The following RAB40C variants were observed in gnomAD, a reference collection of about 807,000 sequenced individuals.
The protein encoded by RAB40C is ras-related protein Rab-40C.
A neutral mutation model predicts 28.1 loss-of-function variants in RAB40C; 8 were observed. That is an observed-to-expected ratio of 0.28 (90% CI 0.17 to 0.51). The LOEUF (loss-of-function observed/expected upper bound fraction) is 0.51, where lower values mean the gene tolerates loss of function less well. RAB40C is among the 20% of genes least tolerant of loss of function. The pLI is 0.97. For synonymous variants in RAB40C, 201 were observed against 171.7 expected, an observed-to-expected ratio of 1.17 and a Z score of -1.34; for missense variants, 288 against 405.9, an observed-to-expected ratio of 0.71 and a Z score of 2.50.
At chr16:595,037 T>C (rs2036083840) in intron 1 of RAB40C, among the ~76,000 whole-genome samples, 1 of 152,146 alleles carries the variant, frequency 6.6e-6, no homozygotes, top group Non-Finnish European at 1.5e-5. Context: ...TAGGCTGGTC[T>C]CAAACCCCTG....
chr16:596,214 T>A (rs1449296814), intron 1 of RAB40C: 3 of 441,876 alleles, frequency 6.8e-6, no homozygotes, highest in Non-Finnish European at 1.4e-5. Flanking sequence ...TGAACAGTGT[T>A]TCAGGAAGGA....
At position 629,221 on chromosome 16, in the gene RAB40C, TTCTC is replaced by T. The variant is rs1357288239; in HGVS notation, c.*1602_*1605del. On this transcript the variant is annotated 3_prime_UTR_variant, in exon 6 of 6. Coordinates refer to ENST00000248139, the MANE Select transcript of RAB40C (RefSeq NM_021168.5). ...CTGTTAGACACTCCGCCATTCCTGG[TTCTC>T]TCCGAACCGTTCTTTGTACAGTAAA... 4.0e-6 allele frequency: 1 copy of T among 253,138 alleles called. No individual in the cohort carries two copies. The highest frequency in any genetic ancestry group is 2.2e-5 in the African/African-American group (1 of 45,482). 15.7% of individuals were successfully genotyped at this position (253,138 alleles called of 1,614,324 possible).
chr16:621,406 T>C (rs1046647826), intron 3 of RAB40C, among the ~76,000 whole-genome samples: 1 of 151,932 alleles, frequency 6.6e-6, no homozygotes, highest in Non-Finnish European at 1.5e-5. Flanking sequence ...TCACTCTGCC[T>C]CCCTCCGTTA....
chr16:591,820 C>A (rs1452385630), intron 1 of RAB40C, among the ~76,000 whole-genome samples: 3 of 152,160 alleles, frequency 2.0e-5, no homozygotes, highest in Non-Finnish European at 2.9e-5. Context: ...TGGTCTCAAT[C>A]TCCTGACCTC....
intron 3 of RAB40C, chr16:624,984 G>A: frequency 6.2e-6 from 8 of 1,289,504 alleles, no homozygotes; most frequent in Non-Finnish European, 8.1e-6. Flanking sequence ...GGAGGGACTG[G>A]CATTCTGCTC....
intron 1 of RAB40C, among the ~76,000 whole-genome samples, chr16:615,872 G>A (rs533803429): frequency 3.4e-4 from 51 of 152,204 alleles, no homozygotes; most frequent in Non-Finnish European, 5.9e-4. Context: ...TGAGGCAGGA[G>A]AATCGCTTGA....
chr16:592,171 C>T (rs1384932945), intron 1 of RAB40C, among the ~76,000 whole-genome samples: 1 of 152,190 alleles, frequency 6.6e-6, no homozygotes, highest in Admixed American at 6.5e-5. Flanking sequence ...CTGGTCCCTG[C>T]CCTCTCCCCT....
intron 1 of RAB40C, among the ~76,000 whole-genome samples, chr16:600,787 C>T (rs1245809071): frequency 2.0e-5 from 3 of 152,188 alleles, no homozygotes; most frequent in Non-Finnish European, 1.5e-5. Flanking sequence ...TGCCTACGTG[C>T]GTCACACAGA....
chr16:623,651 AAG>A (rs2036769200), intron 3 of RAB40C, among the ~76,000 whole-genome samples: 1 of 147,736 alleles, frequency 6.8e-6, no homozygotes, highest in Non-Finnish European at 1.5e-5. Flanking sequence ...AAAAAAAAAA[AAG>A]AAATCATGCT....
At position 627,945 on chromosome 16, in the gene RAB40C, T is replaced by C; in HGVS notation, c.*323T>C. ...TTTATATAGAGAACACTTCACTTTT[T>C]TGTACATTTTTAAGGGGCCTTCAGG... On this transcript the variant is annotated 3_prime_UTR_variant, in exon 6 of 6. Coordinates refer to ENST00000248139, the MANE Select transcript of RAB40C (RefSeq NM_021168.5). The C allele has an allele frequency of 3.3e-6, 1 of 306,650 alleles. No individual in the cohort carries two copies. Among genetic ancestry groups the C allele is most frequent in the Non-Finnish European group, 6.0e-6 (1 of 167,226 alleles). The allele number at this position is 306,650 out of a possible 1,614,324, so 19.0% of individuals were successfully genotyped here.
At chr16:614,373 C>T (rs575655253) in intron 1 of RAB40C, among the ~76,000 whole-genome samples, 1 of 111,230 alleles carries the variant, frequency 9.0e-6, no homozygotes, top group African/African-American at 3.6e-5. Flanking sequence ...AACTTTACCT[C>T]GTCCCGATGG....
chr16:623,740 G>GTT (rs1670118214), intron 3 of RAB40C, among the ~76,000 whole-genome samples: 1 of 152,082 alleles, frequency 6.6e-6, no homozygotes, highest in Non-Finnish European at 1.5e-5. Flanking sequence ...TGAGGCCAGG[G>GTT]GTTCAAGACC....
At chr16:623,379 G>A (rs1321055061) in intron 3 of RAB40C, among the ~76,000 whole-genome samples, 2 of 152,190 alleles carry the variant, frequency 1.3e-5, no homozygotes, top group Non-Finnish European at 2.9e-5. Flanking sequence ...GCCGGGCGCG[G>A]TGGCTCACGC....
chr16:603,428 T>C (rs1392069118), intron 1 of RAB40C, among the ~76,000 whole-genome samples: 2 of 149,976 alleles, frequency 1.3e-5, no homozygotes, highest in African/African-American at 4.8e-5. Context: ...TGCCGGAAGA[T>C]TGAATGCGGA....
intron 1 of RAB40C, among the ~76,000 whole-genome samples, chr16:607,917 C>G (rs1213195628): frequency 6.6e-6 from 1 of 152,148 alleles, no homozygotes; most frequent in South Asian, 2.1e-4. Flanking sequence ...CTTCCTCCCC[C>G]TCCACTGCCC....
chr16:598,573 A>G lies in RAB40C; in HGVS notation c.142+8140A>G, dbSNP rs1269040736. Reference sequence around the variant, plus strand: ...AGACTCTGTCTCACAAAAAAAAAAAAAAAAAAAGAAAAAAGAAAATTAGCT... The same window carrying G: ...AGACTCTGTCTCACAAAAAAAAAAAGAAAAAAAGAAAAAAGAAAATTAGCT... On this transcript the variant is annotated intron_variant, in intron 1 of 5. Coordinates refer to ENST00000248139, the MANE Select transcript of RAB40C (RefSeq NM_021168.5). Among the ~76,000 whole-genome samples, 3 of 150,662 alleles carry G rather than the reference A, an allele frequency of 2.0e-5. No individual in the cohort carries two copies. The East Asian group carries it at 5.8e-4, about 29-fold the overall frequency.
At position 627,297 on chromosome 16, in the gene RAB40C, T is replaced by C. The variant is rs558887957; in HGVS notation, c.566-45T>C. 2.5e-6 allele frequency: 4 copies of C among 1,571,516 alleles called. No homozygotes were observed. In the African/African-American group the frequency reaches 5.4e-5, roughly 21 times the overall value. On this transcript the variant is annotated intron_variant, in intron 5 of 5. Transcript: ENST00000248139. ...ACCTCAGGTCTCCCTGCACAGGGCC[T>C]CCTCCCCCACAGCCCCATGGTCTGA...
Position 622,632 on chromosome 16 carries a change from C to T in RAB40C, c.265-2800C>T, listed in dbSNP as rs185609443. Among the ~76,000 whole-genome samples, 139 of 152,264 alleles carry T rather than the reference C, an allele frequency of 9.1e-4. 4 individuals carry two copies. The highest frequency in any genetic ancestry group is 3.2e-3 in the African/African-American group (134 of 41,566). ...ACGCCATTCTCCTGCCTCAGGCTCC[C>T]GAGTAGCTAGAACTAGGTGTGCACC... On this transcript the variant is annotated intron_variant, in intron 3 of 5. Coordinates refer to ENST00000248139, the MANE Select transcript of RAB40C (RefSeq NM_021168.5).
At chr16:614,587 G>A (rs140728271) in intron 1 of RAB40C, among the ~76,000 whole-genome samples, 2 of 94,170 alleles carry the variant, frequency 2.1e-5, no homozygotes, top group South Asian at 4.5e-4. Context: ...ACCGCATCCC[G>A]ATGGTGAACT....
Sources: allele counts gnomAD v4.1 joint callset (sites outside exome capture counted in the v4.1 genomes callset), GRCh38; gene constraint gnomAD v4.1.1; transcripts MANE v1.5; gene names NCBI Gene and HGNC (gene_info 2026-07-23, HGNC 2026-07-21).